The following PRKN variants were observed in gnomAD, a reference collection of about 807,000 sequenced individuals.
PRKN encodes the protein parkin RBR E3 ubiquitin protein ligase.
In PRKN, 56 loss-of-function variants were observed where a neutral mutation model predicts 59.5. The observed-to-expected ratio is 0.94, with a 90% CI of 0.76 to 1.18. The LOEUF is 1.18. PRKN is among the 50% of genes most tolerant of loss of function. The pLI, the probability that PRKN is intolerant of heterozygous loss-of-function variation, is 0.00. For synonymous variants in PRKN, 250 were observed against 222.1 expected (o/e 1.13, Z -1.12); for missense variants, 657 against 596.4 (o/e 1.10, Z -1.06).
At chr6:162,443,286 G>C (rs1790147508) in intron 2 of PRKN, 24 bp downstream of exon 2, 3 of 1,611,840 alleles carry the variant, frequency 1.9e-6, no homozygotes, top group African/African-American at 2.7e-5. Context: ...GGCATCCCAA[G>C]AACGGCCGCC....
At chr6:162,480,187 A>G (rs1021954537) in intron 1 of PRKN, among the ~76,000 whole-genome samples, 13 of 152,166 alleles carry the variant, frequency 8.5e-5, no homozygotes, top group African/African-American at 3.1e-4. Context: ...CACAATTGGT[A>G]TCGTAGTAGG....
intron 1 of PRKN, among the ~76,000 whole-genome samples, chr6:162,513,795 T>G (rs1460187108): frequency 6.6e-6 from 1 of 152,176 alleles, no homozygotes; most frequent in East Asian, 1.9e-4. Flanking sequence ...GGCTCATGCC[T>G]GTAATCCCAG....
chr6:161,886,049 T>C (rs1795136649), intron 6 of PRKN, among the ~76,000 whole-genome samples: 1 of 152,232 alleles, frequency 6.6e-6, no homozygotes, highest in African/African-American at 2.4e-5. Flanking sequence ...CTTTAAAGTA[T>C]TTCCTGCAAA....
At chr6:162,390,694 C>T (rs560865029) in intron 2 of PRKN, among the ~76,000 whole-genome samples, 4 of 152,106 alleles carry the variant, frequency 2.6e-5, no homozygotes, top group African/African-American at 9.6e-5. Flanking sequence ...CCACCCACCT[C>T]GGCCTTCCAA....
intron 1 of PRKN, among the ~76,000 whole-genome samples, chr6:162,719,817 T>G (rs1206899282): frequency 1.3e-5 from 2 of 151,228 alleles, no homozygotes; most frequent in African/African-American, 2.4e-5. Context: ...AATATTAAAT[T>G]CCAGCTTCTG....
chr6:161,684,286 G>A (rs1229944455), intron 7 of PRKN, among the ~76,000 whole-genome samples: 1 of 151,928 alleles, frequency 6.6e-6, no homozygotes, highest in Non-Finnish European at 1.5e-5. Flanking sequence ...GTAGAGATGA[G>A]GGTCTTACCA....
intron 9 of PRKN, among the ~76,000 whole-genome samples, chr6:161,453,113 C>G (rs1430611293): frequency 6.6e-6 from 1 of 152,132 alleles, no homozygotes; most frequent in African/African-American, 2.4e-5. Flanking sequence ...GCCATTCATT[C>G]CCACAATCTA....
intron 1 of PRKN, among the ~76,000 whole-genome samples, chr6:162,711,486 G>A (rs1044845980): frequency 6.0e-5 from 9 of 150,272 alleles, no homozygotes; most frequent in South Asian, 2.1e-4. Context: ...CCGCTGTGCC[G>A]ATGCCACCAA....
At position 161,480,023 on chromosome 6, in the gene PRKN, A is replaced by G. The variant is rs1023099106; in HGVS notation, c.1083+68831T>C. Among the ~76,000 whole-genome samples the G allele has an allele frequency of 6.6e-6, 1 of 152,218 alleles. No homozygotes were observed. Among genetic ancestry groups the G allele is most frequent in the Admixed American group, 6.5e-5 (1 of 15,282 alleles). ...GCTCCCTTCCCTCTGGTGCGGGATC[A>G]TGGAAGCCCAGGTGAAGGTGAGCCT... is the stretch of plus-strand genomic sequence containing the variant. On this transcript the variant is annotated intron_variant, in intron 9 of 11. Coordinates refer to ENST00000366898, the MANE Select transcript of PRKN (RefSeq NM_004562.3). This position sits in a 1 kb window ranked among gnomAD's most constrained non-coding sequence, Gnocchi z 4.1.
At chr6:161,416,115 T>C (rs552693554) in intron 9 of PRKN, among the ~76,000 whole-genome samples, 1 of 152,262 alleles carries the variant, frequency 6.6e-6, no homozygotes, top group South Asian at 2.1e-4. Flanking sequence ...CCTATGGAAA[T>C]GCTCTGACAC....
intron 9 of PRKN, among the ~76,000 whole-genome samples, chr6:161,436,388 A>G (rs1051899405): frequency 7.3e-6 from 1 of 137,842 alleles, no homozygotes; most frequent in Non-Finnish European, 1.6e-5. Context: ...CTGGGATGGA[A>G]GAGGAGGCAT....
At position 162,396,592 on chromosome 6, in the gene PRKN, A is replaced by C. The variant is rs1186089610; in HGVS notation, c.171+46718T>G. 2.6e-5 allele frequency among the ~76,000 whole-genome samples: 4 copies of C among 152,124 alleles called. No individual in the cohort carries two copies. In the East Asian group the frequency reaches 7.7e-4, roughly 29 times the overall value. On this transcript the variant is annotated intron_variant, in intron 2 of 11. Transcript: ENST00000366898. The stretch of plus-strand genomic sequence containing the variant: ...GCCTGGAGCCCGAGGTCCCACATCG[A>C]GCAGACCCACTCTGGACCCGTCGCT...
chr6:162,556,354 T>G (rs1300488005), intron 1 of PRKN, among the ~76,000 whole-genome samples: 1 of 61,186 alleles, frequency 1.6e-5, no homozygotes, highest in Non-Finnish European at 3.8e-5. Flanking sequence ...TGTGTGTGTG[T>G]GTGTGTGTGT....
Position 161,410,616 on chromosome 6 carries a change from G to T in PRKN, c.1084-23739C>A, listed in dbSNP as rs570484248. On this transcript the variant is annotated intron_variant, in intron 9 of 11. Coordinates refer to ENST00000366898, the MANE Select transcript of PRKN (RefSeq NM_004562.3). The surrounding 1 kb of genome is among the most constrained non-coding windows in gnomAD (Gnocchi z 5.3). ...GGCGAGCTATTTCCTCCATTCTGGT[G>T]CTCATCGTGGGCCATGCGTTGGTTA... Among the ~76,000 whole-genome samples, 2 of 152,244 alleles carry T rather than the reference G, an allele frequency of 1.3e-5. No homozygotes were observed. Among genetic ancestry groups the T allele is most frequent in the South Asian group, 4.2e-4 (2 of 4,816 alleles).
intron 8 of PRKN, among the ~76,000 whole-genome samples, chr6:161,558,779 C>T (rs976673006): frequency 1.1e-4 from 16 of 152,114 alleles, no homozygotes; most frequent in Non-Finnish European, 1.3e-4. Context: ...AGAAGCACTC[C>T]TTAGATTGTC....
intron 1 of PRKN, among the ~76,000 whole-genome samples, chr6:162,470,320 C>T (rs1562788614): frequency 1.3e-5 from 2 of 152,134 alleles, no homozygotes; most frequent in African/African-American, 4.8e-5. Context: ...TTTTAGGCAC[C>T]GTGGACACAG....
chr6:162,670,374 C>T (rs931115340), intron 1 of PRKN, among the ~76,000 whole-genome samples: 1 of 152,178 alleles, frequency 6.6e-6, no homozygotes, highest in African/African-American at 2.4e-5. Context: ...GCATTCAGAC[C>T]CTTCACTGGA....
intron 2 of PRKN, among the ~76,000 whole-genome samples, chr6:162,422,429 C>A (rs1395426815): frequency 6.6e-6 from 1 of 152,112 alleles, no homozygotes; most frequent in African/African-American, 2.4e-5. Flanking sequence ...AGTTTTTATG[C>A]CACTGCACAT....
chr6:161,418,550 G>A (rs919520032), intron 9 of PRKN, among the ~76,000 whole-genome samples: 1 of 152,168 alleles, frequency 6.6e-6, no homozygotes, highest in Non-Finnish European at 1.5e-5. Context: ...GCTTCTTTTA[G>A]TAAATAAACG....
Sources: gnomAD v4.1 joint callset for allele counts (sites outside exome capture counted in the v4.1 genomes callset) on GRCh38, gnomAD v4.1.1 for gene constraint, Gnocchi (gnomAD v3.1) non-coding constraint, MANE v1.5 for transcripts, NCBI Gene and HGNC (gene_info 2026-07-23, HGNC 2026-07-21) for gene names.